The following EBF1 variants were observed in gnomAD, a reference collection of about 807,000 sequenced individuals.
EBF1 encodes the protein EBF transcription factor 1, also known as transcription factor COE1.
A neutral mutation model predicts 68.4 loss-of-function variants in EBF1; 10 were observed. The ratio of observed to expected loss-of-function variants is 0.15; its 90% CI spans 0.09 to 0.25. The LOEUF (loss-of-function observed/expected upper bound fraction) is 0.25. Ranked by LOEUF, EBF1 falls within the 10% of genes least tolerant of loss-of-function variation. EBF1 has a pLI of 1.00. For synonymous variants in EBF1, 298 were observed against 299.8 expected (o/e 0.99, Z 0.06); for missense variants, 509 against 794.4 (o/e 0.64, Z 4.32).
At chr5:158,783,901 C>G (rs1776908297) in intron 9 of EBF1, among the ~76,000 whole-genome samples, 1 of 152,186 alleles carries the variant, frequency 6.6e-6, no homozygotes, top group South Asian at 2.1e-4. Context: ...GGGAAGAGGA[C>G]AATCTTCTAC....
intron 6 of EBF1, among the ~76,000 whole-genome samples, chr5:158,855,656 T>C (rs1260556700): frequency 3.3e-5 from 5 of 152,222 alleles, no homozygotes; most frequent in Admixed American, 3.3e-4. Context: ...CCAGATCCTA[T>C]TACGGTGCTT....
chr5:158,893,827 A>G (rs77781118), intron 6 of EBF1, among the ~76,000 whole-genome samples: 2,584 of 152,300 alleles, frequency 0.017, 71 homozygotes, highest in African/African-American at 0.058. Flanking sequence ...CTTTCTAGAC[A>G]GTCCAGTCAG....
intron 6 of EBF1, among the ~76,000 whole-genome samples, chr5:158,859,047 A>G (rs1170573722): frequency 6.6e-6 from 1 of 152,154 alleles, no homozygotes; most frequent in Non-Finnish European, 1.5e-5. Context: ...CCAGCCAACA[A>G]CATGTTTATC....
intron 11 of EBF1, among the ~76,000 whole-genome samples, chr5:158,720,261 T>C (rs1355671612): frequency 2.0e-5 from 3 of 152,154 alleles, no homozygotes; most frequent in African/African-American, 7.2e-5. Context: ...CCCCACTGAC[T>C]TCTGAAAGCC....
At chr5:158,826,697 A>G (rs1026396876) in intron 7 of EBF1, among the ~76,000 whole-genome samples, 3 of 152,182 alleles carry the variant, frequency 2.0e-5, no homozygotes, top group Admixed American at 6.5e-5. Flanking sequence ...AGCATGTTCC[A>G]GGGTACTTTT....
chr5:158,771,289 C>T (rs929112284), intron 10 of EBF1, among the ~76,000 whole-genome samples: 1 of 152,066 alleles, frequency 6.6e-6, no homozygotes, highest in South Asian at 2.1e-4. Flanking sequence ...TACATTAACC[C>T]TTTTACTCCT....
At chr5:158,787,919 T>C (rs531096310) in intron 9 of EBF1, among the ~76,000 whole-genome samples, 1 of 152,308 alleles carries the variant, frequency 6.6e-6, no homozygotes, top group Non-Finnish European at 1.5e-5. Flanking sequence ...ATAAACTACC[T>C]ACCCATACAT....
intron 6 of EBF1, among the ~76,000 whole-genome samples, chr5:158,915,781 A>G (rs1807071802): frequency 6.6e-6 from 1 of 152,248 alleles, no homozygotes; most frequent in Non-Finnish European, 1.5e-5. Context: ...AGTAAAAACA[A>G]GAAAAGAAGT....
intron 8 of EBF1, among the ~76,000 whole-genome samples, chr5:158,805,852 T>TC (rs900529284): frequency 3.3e-5 from 5 of 150,132 alleles, no homozygotes; most frequent in African/African-American, 1.2e-4. Context: ...TGTTTTCTTC[T>TC]TTTTTTTTCT....
intron 4 of EBF1, among the ~76,000 whole-genome samples, chr5:159,094,823 A>C (rs971948917): frequency 2.6e-5 from 4 of 152,152 alleles, no homozygotes; most frequent in African/African-American, 9.7e-5. Context: ...TCTGAAACTA[A>C]ACTTTTTCTT....
rs541525544 is a variant in EBF1 at position 158,937,508 on chromosome 5, T to C, written c.555-97398A>G. On this transcript the variant is annotated intron_variant, in intron 6 of 15. Transcript: ENST00000313708. ...AGAACCGAGGATCAAATACTCTCCC[T>C]GAGCAAGGGTGTAGGCACACCGATG... 2.6e-5 allele frequency among the ~76,000 whole-genome samples: 4 copies of C among 152,268 alleles called. No homozygotes were observed. The East Asian group carries it at 7.7e-4, about 29-fold the overall frequency.
At chr5:159,052,076 A>C (rs1773854835) in intron 6 of EBF1, among the ~76,000 whole-genome samples, 1 of 152,192 alleles carries the variant, frequency 6.6e-6, no homozygotes, top group Non-Finnish European at 1.5e-5. Flanking sequence ...AAGACGTAAG[A>C]ATTTTAATAA....
chr5:158,773,939 A>C (rs540478297), intron 10 of EBF1, among the ~76,000 whole-genome samples: 1 of 152,152 alleles, frequency 6.6e-6, no homozygotes, highest in African/African-American at 2.4e-5. Flanking sequence ...CAGAAACGAT[A>C]ATAGGGCTTT....
chr5:158,940,117 C>T (rs1812919706), intron 6 of EBF1, among the ~76,000 whole-genome samples: 1 of 152,202 alleles, frequency 6.6e-6, no homozygotes, highest in African/African-American at 2.4e-5. Context: ...TTCTTGTTCT[C>T]ACTTCAATTT....
chr5:158,806,510 C>T (rs1781622710), intron 8 of EBF1, among the ~76,000 whole-genome samples: 1 of 151,996 alleles, frequency 6.6e-6, no homozygotes, highest in African/African-American at 2.4e-5. Flanking sequence ...TCTATGCTGT[C>T]GTGAATGTGG....
chr5:158,787,639 G>T (rs1028165851), intron 9 of EBF1, among the ~76,000 whole-genome samples: 26 of 152,134 alleles, frequency 1.7e-4, no homozygotes, highest in African/African-American at 4.8e-4. Flanking sequence ...TCAATAATCA[G>T]CTGTGGGACC....
At chr5:158,726,946 C>T (rs1483746040) in intron 11 of EBF1, among the ~76,000 whole-genome samples, 2 of 152,174 alleles carry the variant, frequency 1.3e-5, no homozygotes, top group Non-Finnish European at 2.9e-5. Flanking sequence ...GATTAGTGGC[C>T]CCCATTTACT....
chr5:158,804,472 C>T (rs1269954462), intron 8 of EBF1, among the ~76,000 whole-genome samples: 1 of 152,012 alleles, frequency 6.6e-6, no homozygotes, highest in African/African-American at 2.4e-5. Flanking sequence ...CAAAACATTC[C>T]AGGGCAAGCG....
intron 4 of EBF1, among the ~76,000 whole-genome samples, chr5:159,091,659 T>C (rs1463741177): frequency 6.6e-6 from 1 of 152,182 alleles, no homozygotes; most frequent in Admixed American, 6.5e-5. Context: ...TATGTAGCCA[T>C]GGCAGGATAT....
Sources: gnomAD v4.1 joint callset for allele counts (sites outside exome capture counted in the v4.1 genomes callset) on GRCh38, gnomAD v4.1.1 for gene constraint, MANE v1.5 for transcripts, NCBI Gene and HGNC (gene_info 2026-07-23, HGNC 2026-07-21) for gene names.